The following GNL3L variants were observed in gnomAD, a reference collection of about 807,000 sequenced individuals.
GNL3L encodes the protein guanine nucleotide-binding protein-like 3-like protein.
GNL3L carries 4 observed loss-of-function variants against 42.9 expected under a neutral mutation model. That is an observed-to-expected ratio of 0.09 (90% CI 0.05 to 0.21). The LOEUF (loss-of-function observed/expected upper bound fraction) is 0.21, where lower values mean the gene tolerates loss of function less well. Ranked by LOEUF, GNL3L falls within the 10% of genes least tolerant of loss-of-function variation. The pLI, the probability that GNL3L is intolerant of heterozygous loss-of-function variation, is 1.00. For synonymous variants in GNL3L, 159 were observed against 176.3 expected (o/e 0.90, Z 0.78); for missense variants, 412 against 481.7 (o/e 0.86, Z 1.36).
chrX:54,537,348 G>C lies in GNL3L; in HGVS notation c.20-1692G>C, dbSNP rs186276219. Reference sequence around the variant, plus strand: ...TTGGTTGTTAATCTTGCTGCTGCCTGTGTCTTTCCAGTCTGAAACCTCAAG... The same window carrying C: ...TTGGTTGTTAATCTTGCTGCTGCCTCTGTCTTTCCAGTCTGAAACCTCAAG... On this transcript the variant is annotated intron_variant, in intron 2 of 15. Transcript: ENST00000360845. Among the ~76,000 whole-genome samples the C allele has an allele frequency of 2.2e-4, 24 of 110,753 alleles. No homozygotes were observed. In the East Asian group the frequency reaches 6.3e-3, roughly 29 times the overall value.
intron 16 of GNL3L, among the ~76,000 whole-genome samples, chrX:54,602,422 T>C (rs1180650356): frequency 1.8e-5 from 2 of 110,781 alleles, no homozygotes; most frequent in East Asian, 2.9e-4. Context: ...ATCTTTAAAC[T>C]GGGCATGATT....
chrX:54,633,282 TA>T, the GNL3L span, among the ~76,000 whole-genome samples: 1 of 111,702 alleles, frequency 9.0e-6, no homozygotes, highest in African/African-American at 3.3e-5. Context: ...GCAGTGGAAT[TA>T]AGTATTATTT....
chrX:54,577,124 C>A (rs1018619249), intron 16 of GNL3L, among the ~76,000 whole-genome samples: 2 of 112,104 alleles, frequency 1.8e-5, no homozygotes, highest in African/African-American at 6.5e-5. Flanking sequence ...TTTGACTATT[C>A]TAGGAATCAC....
intron 16 of GNL3L, among the ~76,000 whole-genome samples, chrX:54,594,921 T>C (rs1257336007): frequency 8.9e-6 from 1 of 112,148 alleles, no homozygotes; most frequent in East Asian, 2.8e-4. Flanking sequence ...CTCTACACTT[T>C]AACTTTGTCT....
chrX:54,595,107 G>C (rs1051594013), intron 16 of GNL3L, among the ~76,000 whole-genome samples: 3 of 111,894 alleles, frequency 2.7e-5, no homozygotes, highest in Non-Finnish European at 5.6e-5. Context: ...CTTACTATTA[G>C]CAGTGAGTTT....
At chrX:54,612,609 G>A (rs1418493140) in intron 16 of GNL3L, among the ~76,000 whole-genome samples, 2 of 111,296 alleles carry the variant, frequency 1.8e-5, no homozygotes, top group Non-Finnish European at 3.8e-5. Flanking sequence ...AGCAATTCCT[G>A]TAGTGGTGGC....
At position 54,540,091 on chromosome X, in the gene GNL3L, A is replaced by G. The variant is rs1326194747; in HGVS notation, c.82-44A>G. 4.6e-6 allele frequency: 4 copies of G among 875,579 alleles called. No homozygotes were observed. The East Asian group carries it at 9.4e-5, about 20-fold the overall frequency. The allele number at this position is 875,579 out of a possible 1,213,427, so 72.2% of individuals were successfully genotyped here. ...TTGCTGCCTTTTTGAGGTGATTTCC[A>G]TGGGTTCATTACCTCTGTTTTTTTT... On this transcript the variant is annotated intron_variant, in intron 3 of 15. Coordinates refer to ENST00000360845, the MANE Select transcript of GNL3L (RefSeq NM_001184819.2).
At chrX:54,578,886 T>C (rs900186554) in intron 16 of GNL3L, among the ~76,000 whole-genome samples, 2 of 112,453 alleles carry the variant, frequency 1.8e-5, no homozygotes, top group African/African-American at 6.5e-5. Flanking sequence ...CTAACTAGTG[T>C]TAATGTTTTC....
chrX:54,614,823 C>G (rs777196755), intron 16 of GNL3L, among the ~76,000 whole-genome samples: 5 of 111,148 alleles, frequency 4.5e-5, no homozygotes, highest in Non-Finnish European at 9.4e-5. Context: ...GTCTTTGGGT[C>G]CTCTTGGGAT....
chrX:54,557,615 A>T (rs1260028921), intron 14 of GNL3L, among the ~76,000 whole-genome samples: 1 of 108,896 alleles, frequency 9.2e-6, no homozygotes, highest in East Asian at 2.9e-4. Context: ...TTGTATTTTC[A>T]GTAGAGAAAG....
chrX:54,639,972 A>G, the GNL3L span, among the ~76,000 whole-genome samples: 1 of 110,314 alleles, frequency 9.1e-6, no homozygotes, highest in Non-Finnish European at 1.9e-5. Context: ...GGGGCTGGCC[A>G]CCGAGAGTGG....
chrX:54,546,240 G>A (rs1924771223), intron 8 of GNL3L, among the ~76,000 whole-genome samples: 1 of 112,282 alleles, frequency 8.9e-6, no homozygotes, highest in Non-Finnish European at 1.9e-5. Context: ...GAAGTATTAT[G>A]TATATCATTC....
At chrX:54,531,902 C>T (rs1407548377) in intron 1 of GNL3L, among the ~76,000 whole-genome samples, 1 of 110,043 alleles carries the variant, frequency 9.1e-6, no homozygotes, top group Non-Finnish European at 1.9e-5. Context: ...AAGGTATAGA[C>T]CCCAGGCATA....
chrX:54,548,535 G>A (rs929687337), intron 9 of GNL3L, among the ~76,000 whole-genome samples, 162 bp downstream of exon 9: 6 of 111,101 alleles, frequency 5.4e-5, no homozygotes, highest in Admixed American at 9.6e-5. Context: ...GCATCACTGC[G>A]TATTGAGTAT....
At chrX:54,575,562 A>T (rs1208096442) in intron 16 of GNL3L, among the ~76,000 whole-genome samples, 5 of 111,176 alleles carry the variant, frequency 4.5e-5, no homozygotes, top group Non-Finnish European at 9.4e-5. Flanking sequence ...GTGAAACCCC[A>T]TCTCTACTAA....
At chrX:54,535,486 C>T (rs1254982030) in intron 2 of GNL3L, among the ~76,000 whole-genome samples, 1 of 111,720 alleles carries the variant, frequency 9.0e-6, no homozygotes, top group Non-Finnish European at 1.9e-5. Context: ...GTTTTGCTAA[C>T]TTGATGAAGT....
At chrX:54,590,796 T>C (rs1193122231) in intron 16 of GNL3L, among the ~76,000 whole-genome samples, 1 of 109,599 alleles carries the variant, frequency 9.1e-6, no homozygotes, top group Non-Finnish European at 1.9e-5. Context: ...GGTCTTAGAT[T>C]TATTTATTTA....
In GNL3L at chrX:54,554,650, G is replaced by A. The variant is rs750039892; in HGVS notation, c.1404G>A (p.Thr468=). 7.5e-6 allele frequency: 9 copies of A among 1,203,060 alleles called. No individual in the cohort carries two copies. Among genetic ancestry groups the A allele is most frequent in the South Asian group, 1.8e-5 (1 of 56,567 alleles). The part of the protein sequence containing the change: ...MEIKLLHSPM[T]KIADAIENKT... ...TCAAGTTGCTCCATTCTCCGATGAC[G>A]AAAATAGCAGATGCCATTGAAAATA... The change falls in exon 14 of 16, where the codon ACG becomes ACA. Residue 468 remains threonine (T), a synonymous_variant. Coordinates refer to ENST00000360845, the MANE Select transcript of GNL3L (RefSeq NM_001184819.2).
chrX:54,644,978 C>T, the GNL3L span, among the ~76,000 whole-genome samples: 3 of 110,784 alleles, frequency 2.7e-5, no homozygotes, highest in African/African-American at 9.8e-5. Flanking sequence ...TTTATGTGTT[C>T]CTTGTTAGGT....
Sources: gnomAD v4.1 joint callset for allele counts (sites outside exome capture counted in the v4.1 genomes callset) on GRCh38, gnomAD v4.1.1 for gene constraint, MANE v1.5 for transcripts, NCBI Gene and HGNC (gene_info 2026-07-23, HGNC 2026-07-21) for gene names.